PCDH15: variants seen among roughly 807,000 people sequenced by gnomAD.
PCDH15 encodes protocadherin-15.
PCDH15 carries 129 observed loss-of-function variants against 178.5 expected under a neutral mutation model. That is an observed-to-expected ratio of 0.72 (90% CI 0.63 to 0.84). The LOEUF is 0.84. Ranked by LOEUF, PCDH15 falls within the 40% of genes least tolerant of loss-of-function variation. The probability of loss-of-function intolerance (pLI) is 0.00; values close to 1 mark genes in which losing one functional copy is unlikely to be tolerated. For synonymous variants in PCDH15, 800 were observed against 732.0 expected, an observed-to-expected ratio of 1.09 and a Z score of -1.50; for missense variants, 2,230 against 2,099.9, an observed-to-expected ratio of 1.06 and a Z score of -1.21.
chr10:55,065,292 T>C (rs1193048706), intron 2 of PCDH15, among the ~76,000 whole-genome samples: 1 of 152,070 alleles, frequency 6.6e-6, no homozygotes, highest in African/African-American at 2.4e-5. Flanking sequence ...AATCTGTTCC[T>C]CAAATTATTG....
At chr10:55,414,018 G>GA (rs202148060) in intron 2 of PCDH15, among the ~76,000 whole-genome samples, 1,566 of 151,298 alleles carry the variant, frequency 0.01, 28 homozygotes, top group African/African-American at 0.035. Flanking sequence ...CAGTTTATTA[G>GA]AAAAAATGTA....
intron 21 of PCDH15, among the ~76,000 whole-genome samples, chr10:53,989,561 A>T (rs2091326799): frequency 6.6e-6 from 1 of 152,150 alleles, no homozygotes; most frequent in Admixed American, 6.5e-5. Flanking sequence ...CTAATTAAGT[A>T]TTTGAGACAA....
intron 2 of PCDH15, among the ~76,000 whole-genome samples, chr10:55,077,438 TCTTCCTTCCTTCC>T (rs1163971475): frequency 9.4e-5 from 7 of 74,832 alleles, no homozygotes; most frequent in African/African-American, 4.6e-4. Flanking sequence ...TTCCTTCCTT[TCTTCCTTCCTTCC>T]CTTCCTTCCT....
At chr10:54,762,670 T>G (rs1440584090) in intron 1 of PCDH15, among the ~76,000 whole-genome samples, 1 of 152,132 alleles carries the variant, frequency 6.6e-6, no homozygotes, top group Non-Finnish European at 1.5e-5. Context: ...TAAACACTTA[T>G]GAAATTCTTA....
chr10:55,326,543 A>C (rs1307671449), intron 2 of PCDH15, among the ~76,000 whole-genome samples: 1 of 152,104 alleles, frequency 6.6e-6, no homozygotes, highest in Admixed American at 6.6e-5. Context: ...CATGAACCTA[A>C]AAGTTAAAAA....
chr10:55,303,086 G>T (rs535043062), intron 1 of PCDH15, among the ~76,000 whole-genome samples: 2 of 149,532 alleles, frequency 1.3e-5, no homozygotes, highest in East Asian at 2.0e-4. Context: ...AGATATTTGA[G>T]ATATATATAT....
chr10:54,451,082 T>G (rs985306476), intron 3 of PCDH15, among the ~76,000 whole-genome samples: 1 of 152,008 alleles, frequency 6.6e-6, no homozygotes, highest in Admixed American at 6.6e-5. Context: ...ATCTAAATGT[T>G]ATTTTTAACA....
chr10:54,675,150 T>G (rs1172227907), intron 1 of PCDH15, among the ~76,000 whole-genome samples: 1 of 152,018 alleles, frequency 6.6e-6, no homozygotes, highest in Non-Finnish European at 1.5e-5. Context: ...TTTATTACAT[T>G]AAATATTAGA....
chr10:54,623,134 A>G (rs2093440271), intron 2 of PCDH15, among the ~76,000 whole-genome samples: 1 of 152,024 alleles, frequency 6.6e-6, no homozygotes, highest in South Asian at 2.1e-4. Flanking sequence ...TTCAAGGTAG[A>G]CTAGTTTCCA....
intron 34 of PCDH15, among the ~76,000 whole-genome samples, chr10:53,816,884 T>A (rs1370629513): frequency 6.6e-6 from 1 of 152,228 alleles, no homozygotes; most frequent in East Asian, 1.9e-4. Flanking sequence ...AATTGCTTCC[T>A]GCCTCTTCCT....
At chr10:54,045,173 G>A (rs986902649) in intron 18 of PCDH15, among the ~76,000 whole-genome samples, 4 of 151,510 alleles carry the variant, frequency 2.6e-5, no homozygotes, top group Admixed American at 6.6e-5. Flanking sequence ...AGATGGAAAT[G>A]ACAAATCAAG....
rs550598459 is a variant in PCDH15, at chr10:55,335,337, T to A, written c.-155-168686A>T. Among the ~76,000 whole-genome samples, 40 of 152,288 alleles carry A rather than the reference T, an allele frequency of 2.6e-4. No individual in the cohort carries two copies. In the South Asian group the frequency reaches 7.7e-3, roughly 29 times the overall value. The stretch of plus-strand genomic sequence containing the variant: ...TAAGAGAGGAACTGTGTGAAACATA[T>A]GTGAGAGTGTCAGAGAGGGAAAGAG... On this transcript the variant is annotated intron_variant, in intron 2 of 5. Coordinates refer to the PCDH15 transcript ENST00000613346.
chr10:55,141,262 C>T (rs922112771), intron 2 of PCDH15, among the ~76,000 whole-genome samples: 1 of 151,962 alleles, frequency 6.6e-6, no homozygotes, highest in African/African-American at 2.4e-5. Flanking sequence ...AACTTTTTCT[C>T]TAATGCTCAA....
At chr10:53,855,904 G>GTATGTGTATATATATATATATATA (rs147606526) in intron 28 of PCDH15, among the ~76,000 whole-genome samples, 1 of 109,690 alleles carries the variant, frequency 9.1e-6, no homozygotes, top group African/African-American at 3.8e-5. Flanking sequence ...AAGGTGATAT[G>GTATGTGTATATATATATATATATA]TATATATATA....
intron 2 of PCDH15, among the ~76,000 whole-genome samples, chr10:54,565,733 C>G (rs970945311): frequency 6.6e-6 from 1 of 152,252 alleles, no homozygotes; most frequent in Admixed American, 6.5e-5. Context: ...TTCTTTTATG[C>G]AGATTATATC....
At chr10:53,978,975 A>G (rs533473359) in intron 21 of PCDH15, among the ~76,000 whole-genome samples, 1 of 152,246 alleles carries the variant, frequency 6.6e-6, no homozygotes, top group South Asian at 2.1e-4. Flanking sequence ...ATGAAGTTCC[A>G]AACTTTCCCA....
chr10:54,099,498 C>A (rs78494210), intron 15 of PCDH15, among the ~76,000 whole-genome samples: 45 of 49,962 alleles, frequency 9.0e-4, no homozygotes, highest in African/African-American at 1.1e-3. Context: ...GACTCCATCT[C>A]AAAAAAAAAA....
At chr10:54,589,275 T>C (rs1394063237) in intron 2 of PCDH15, among the ~76,000 whole-genome samples, 4 of 152,132 alleles carry the variant, frequency 2.6e-5, no homozygotes, top group Non-Finnish European at 4.4e-5. Context: ...ACACAACAAA[T>C]ATTCTGAGAC....
At chr10:54,425,332 C>A (rs1201532977) in intron 3 of PCDH15, among the ~76,000 whole-genome samples, 1 of 152,010 alleles carries the variant, frequency 6.6e-6, no homozygotes, top group East Asian at 1.9e-4. Flanking sequence ...GGAAGATAGA[C>A]CTGAGCTAGC....
Sources: allele counts gnomAD v4.1 joint callset (sites outside exome capture counted in the v4.1 genomes callset), GRCh38; gene constraint gnomAD v4.1.1; transcripts MANE v1.5; gene names NCBI Gene and HGNC (gene_info 2026-07-23, HGNC 2026-07-21).